Variants in ZNF589 observed in about 807,000 individuals in gnomAD.
ZNF589 encodes KRAB-zinc finger protein SZF1-1.
Under a neutral mutation model 13.6 loss-of-function variants are expected in ZNF589, and 17 were observed. That is an observed-to-expected ratio of 1.25 (90% CI 0.86 to 1.88). The LOEUF (loss-of-function observed/expected upper bound fraction) is 1.88. Ranked by LOEUF, ZNF589 falls within the 40% of genes most tolerant of loss-of-function variation. ZNF589 has a pLI of 0.00. For synonymous variants in ZNF589, 148 were observed against 161.6 expected (o/e 0.92, Z 0.64); for missense variants, 407 against 434.0 (o/e 0.94, Z 0.55).
rs982423666 is a variant in ZNF589 at position 48,270,558 on chromosome 3, T to G, written c.*1772T>G. 1.1e-4 allele frequency: 37 copies of G among 322,466 alleles called. No individual in the cohort carries two copies. Among genetic ancestry groups the G allele is most frequent in the Admixed American group, 7.6e-4 (18 of 23,644 alleles). 20.0% of individuals were successfully genotyped at this position (322,466 alleles called of 1,614,324 possible). On this transcript the variant is annotated 3_prime_UTR_variant, in exon 4 of 4. Transcript: ENST00000354698. ...ATGGCCCAGGTTCTGACAGTTTGCC[T>G]TACTCCCTTGGGCTGGGGCTAGCCC...
chr3:48,242,578 A>C (rs957751216), intron 1 of ZNF589, among the ~76,000 whole-genome samples: 2 of 152,040 alleles, frequency 1.3e-5, no homozygotes, highest in African/African-American at 2.4e-5. Context: ...TGCTAGGATT[A>C]TAGGCGTGAG....
intron 3 of ZNF589, among the ~76,000 whole-genome samples, chr3:48,262,653 C>G (rs1188386221): frequency 6.6e-6 from 1 of 152,130 alleles, no homozygotes; most frequent in Non-Finnish European, 1.5e-5. Context: ...TCCACACATT[C>G]CATCTTCTAA....
At chr3:48,252,092 C>G (rs189815531) in intron 2 of ZNF589, among the ~76,000 whole-genome samples, 1 of 151,962 alleles carries the variant, frequency 6.6e-6, no homozygotes, top group Admixed American at 6.6e-5. Flanking sequence ...CTGTTCTGCT[C>G]CATTGAACTC....
chr3:48,261,037 G>A (rs1240605222), intron 3 of ZNF589, 98 bp downstream of exon 3: 1 of 1,319,614 alleles, frequency 7.6e-7, no homozygotes, highest in East Asian at 2.4e-5. Context: ...ACATATCAGT[G>A]AATAGAATAA....
intron 2 of ZNF589, chr3:48,256,823 A>G (rs868114522): frequency 2.0e-6 from 3 of 1,466,056 alleles, no homozygotes; most frequent in African/African-American, 2.8e-5. Flanking sequence ...TTGGATTTCC[A>G]CCACTTCCCT....
At chr3:48,260,431 C>T (rs1355146639) in intron 2 of ZNF589, among the ~76,000 whole-genome samples, 3 of 151,304 alleles carry the variant, frequency 2.0e-5, no homozygotes, top group Non-Finnish European at 2.9e-5. Flanking sequence ...CTTTTTGAGG[C>T]GGAGTCTCAC....
intron 2 of ZNF589, among the ~76,000 whole-genome samples, chr3:48,259,778 G>A (rs2033949313): frequency 6.6e-6 from 1 of 152,114 alleles, no homozygotes; most frequent in Admixed American, 6.5e-5. Context: ...AATTAGCCAG[G>A]TGTGGTGGTA....
At chr3:48,244,208 A>T (rs2033735148) in intron 1 of ZNF589, among the ~76,000 whole-genome samples, 1 of 152,110 alleles carries the variant, frequency 6.6e-6, no homozygotes, top group South Asian at 2.1e-4. Context: ...GGAGAGGCTT[A>T]GATGGTCTTT....
At chr3:48,252,617 C>CT (rs71625863) in intron 2 of ZNF589, among the ~76,000 whole-genome samples, 2,913 of 97,352 alleles carry the variant, frequency 0.03, 102 homozygotes, top group South Asian at 0.052. Context: ...AGAATAATAT[C>CT]TTTTTTTTTT....
intron 2 of ZNF589, among the ~76,000 whole-genome samples, chr3:48,260,218 G>T (rs2033956467): frequency 6.6e-6 from 1 of 151,436 alleles, no homozygotes; most frequent in Admixed American, 6.6e-5. Flanking sequence ...GCTCACTGTA[G>T]CCCTGACCTC....
chr3:48,263,596 A>G (rs754002909), intron 3 of ZNF589, among the ~76,000 whole-genome samples: 2 of 152,080 alleles, frequency 1.3e-5, no homozygotes, highest in Admixed American at 6.5e-5. Context: ...CAAAACAAAA[A>G]CAAAAACAAA....
intron 2 of ZNF589, among the ~76,000 whole-genome samples, chr3:48,259,000 G>A (rs950744869): frequency 2.0e-5 from 3 of 152,170 alleles, no homozygotes; most frequent in African/African-American, 7.2e-5. Flanking sequence ...GAAATTATGA[G>A]ACCTGGGGTA....
chr3:48,251,545 G>A (rs2033838670), intron 2 of ZNF589, among the ~76,000 whole-genome samples: 1 of 151,798 alleles, frequency 6.6e-6, no homozygotes, highest in Non-Finnish European at 1.5e-5. Flanking sequence ...GGGCAACAGA[G>A]TGAAACTCCA....
intron 2 of ZNF589, among the ~76,000 whole-genome samples, chr3:48,259,840 A>AC (rs2033949898): frequency 6.7e-6 from 1 of 149,744 alleles, no homozygotes; most frequent in South Asian, 2.1e-4. Context: ...AATTGCTTGA[A>AC]CCCGGTAGGC....
At chr3:48,252,332 C>T (rs2033847165) in intron 2 of ZNF589, among the ~76,000 whole-genome samples, 1 of 151,854 alleles carries the variant, frequency 6.6e-6, no homozygotes, top group African/African-American at 2.4e-5. Flanking sequence ...GCTGGAACTA[C>T]AGGCACAGGC....
intron 3 of ZNF589, among the ~76,000 whole-genome samples, chr3:48,264,187 T>C (rs778353990): frequency 6.6e-6 from 1 of 152,102 alleles, no homozygotes; most frequent in Non-Finnish European, 1.5e-5. Context: ...CTCTGAACAT[T>C]ATGGACTTTC....
chr3:48,241,213 A>C lies in ZNF589; in HGVS notation c.42A>C (p.Glu14Asp), dbSNP rs776743941. Reference sequence around the variant, plus strand: ...AGCAGCTACTGGGCTGGACTGCGGAAGGTGAGTCGGGGCCGCGAGATCGCC... The same window carrying C: ...AGCAGCTACTGGGCTGGACTGCGGACGGTGAGTCGGGGCCGCGAGATCGCC... ...PREQLLGWTA[E>D]ALPAKDSAWP... Residue 14 changes from glutamate to aspartate, a missense_variant and splice_region_variant, in exon 1 of 4, where the codon GAA (glutamate) becomes GAC (aspartate). Physicochemically the swap from Glu to Asp is conservative, Grantham distance 45. Transcript: ENST00000354698. 4 of 1,612,346 alleles carry C rather than the reference A, an allele frequency of 2.5e-6. No individual in the cohort carries two copies. Among genetic ancestry groups the C allele is most frequent in the Non-Finnish European group, 3.4e-6 (4 of 1,179,682 alleles).
intron 2 of ZNF589, chr3:48,256,781 A>G: frequency 1.3e-6 from 2 of 1,599,374 alleles, no homozygotes; most frequent in Non-Finnish European, 1.7e-6. Context: ...AGTCGCTGTG[A>G]TACGGCCTTC....
intron 2 of ZNF589, among the ~76,000 whole-genome samples, chr3:48,258,790 G>A (rs776233960): frequency 2.0e-5 from 3 of 152,186 alleles, no homozygotes; most frequent in African/African-American, 4.8e-5. Context: ...TATTGTATAA[G>A]TGGCAAAGCT....
Sources: gnomAD v4.1 joint callset for allele counts (sites outside exome capture counted in the v4.1 genomes callset) on GRCh38, gnomAD v4.1.1 for gene constraint, MANE v1.5 for transcripts, NCBI Gene and HGNC (gene_info 2026-07-23, HGNC 2026-07-21) for gene names.